Variants in INPP5A observed in about 807,000 individuals in gnomAD.
INPP5A encodes 43 kDa inositol polyphosphate 5-phophatase.
A neutral mutation model predicts 65.2 loss-of-function variants in INPP5A; 14 were observed. The ratio of observed to expected loss-of-function variants is 0.21; its 90% confidence interval spans 0.14 to 0.34. The LOEUF (loss-of-function observed/expected upper bound fraction) is 0.34. Ranked by LOEUF, INPP5A falls within the 10% of genes least tolerant of loss-of-function variation. The pLI is 1.00. For synonymous variants in INPP5A, 207 were observed against 208.3 expected (o/e 0.99, Z 0.05); for missense variants, 431 against 545.6 (o/e 0.79, Z 2.09).
intron 1 of INPP5A, among the ~76,000 whole-genome samples, chr10:132,577,220 G>A (rs1033258170): frequency 2.0e-5 from 3 of 152,138 alleles, no homozygotes; most frequent in Admixed American, 1.3e-4. Context: ...CAGGTGGGTT[G>A]CTCCCCCCCG....
At chr10:132,771,612 T>C (rs997472425) in intron 12 of INPP5A, among the ~76,000 whole-genome samples, 9 of 150,636 alleles carry the variant, frequency 6.0e-5, no homozygotes, top group Non-Finnish European at 1.3e-4. Context: ...CCATGAAGAG[T>C]GGGACGGACA....
intron 12 of INPP5A, among the ~76,000 whole-genome samples, chr10:132,770,422 G>A (rs1339091739): frequency 6.6e-6 from 1 of 152,274 alleles, no homozygotes; most frequent in Non-Finnish European, 1.5e-5. Flanking sequence ...CTGTGTGGAC[G>A]CTGAGCGTAT....
At chr10:132,560,405 T>C (rs577442514) in intron 1 of INPP5A, among the ~76,000 whole-genome samples, 2 of 152,208 alleles carry the variant, frequency 1.3e-5, no homozygotes, top group African/African-American at 4.8e-5. Flanking sequence ...GGCTGCAGAC[T>C]TCCAACATCA....
chr10:132,683,762 T>C (rs1209682917), intron 4 of INPP5A, among the ~76,000 whole-genome samples: 1 of 152,080 alleles, frequency 6.6e-6, no homozygotes, highest in African/African-American at 2.4e-5. Context: ...TCGCCCAGGC[T>C]GGAGTGCAGT....
intron 1 of INPP5A, among the ~76,000 whole-genome samples, chr10:132,544,188 A>G (rs1210043723): frequency 6.6e-6 from 1 of 152,186 alleles, no homozygotes; most frequent in Admixed American, 6.5e-5. Context: ...CATAAGTGCC[A>G]TCTCTGTGTG....
intron 4 of INPP5A, among the ~76,000 whole-genome samples, chr10:132,687,702 C>T (rs913104931): frequency 3.3e-5 from 5 of 152,168 alleles, no homozygotes; most frequent in African/African-American, 1.2e-4. Context: ...TTGGGTTCTC[C>T]CACCGAGGTC....
At chr10:132,566,936 T>C (rs143349345) in intron 1 of INPP5A, among the ~76,000 whole-genome samples, 28 of 152,358 alleles carry the variant, frequency 1.8e-4, no homozygotes, top group African/African-American at 6.3e-4. Context: ...AGAGAATCTA[T>C]TGAAAACCTG....
chr10:132,744,993 C>T (rs1348214158), intron 9 of INPP5A, among the ~76,000 whole-genome samples: 2 of 152,136 alleles, frequency 1.3e-5, no homozygotes, highest in African/African-American at 4.8e-5. Context: ...CCGGGCTGCC[C>T]GCCTCTCCCG....
At chr10:132,764,144 G>A (rs1846787654) in intron 11 of INPP5A, among the ~76,000 whole-genome samples, 1 of 152,296 alleles carries the variant, frequency 6.6e-6, no homozygotes, top group Admixed American at 6.5e-5. Flanking sequence ...GGAGGCCTGG[G>A]CCGGTGGCTC....
rs369951053 is a variant in INPP5A, at chr10:132,543,821, C to T, written c.75+5650C>T. Among the ~76,000 whole-genome samples the T allele has an allele frequency of 5.0e-4, 76 of 152,356 alleles. No homozygotes were observed. The South Asian group carries it at 0.014, about 29-fold the overall frequency. On this transcript the variant is annotated intron_variant, in intron 1 of 15. Transcript: ENST00000368594. ...GGATGTTTGGCCTGTTCCCTCCTTC[C>T]GGTTCTGGTGAACAGTGGATGTTTG...
intron 12 of INPP5A, among the ~76,000 whole-genome samples, chr10:132,769,080 A>T (rs912010560): frequency 6.6e-6 from 1 of 152,216 alleles, no homozygotes; most frequent in African/African-American, 2.4e-5. Context: ...ACACTGGCAG[A>T]GTGACGCCAG....
chr10:132,648,713 A>G (rs1304402153), intron 3 of INPP5A, among the ~76,000 whole-genome samples: 1 of 152,040 alleles, frequency 6.6e-6, no homozygotes, highest in African/African-American at 2.4e-5. Flanking sequence ...TGTCTTCTGT[A>G]TTGCATTGTT....
intron 4 of INPP5A, among the ~76,000 whole-genome samples, chr10:132,688,484 A>C (rs1025344792): frequency 1.3e-5 from 2 of 152,240 alleles, no homozygotes; most frequent in African/African-American, 4.8e-5. Context: ...GAGAGACAAT[A>C]GCTCTGCAGC....
At chr10:132,774,843 G>A (rs543055030) in intron 12 of INPP5A, among the ~76,000 whole-genome samples, 2 of 119,824 alleles carry the variant, frequency 1.7e-5, no homozygotes, top group Non-Finnish European at 3.6e-5. Context: ...GGAGAGAGGG[G>A]TAGGGAGAGA....
At chr10:132,559,321 C>G (rs1564915760) in intron 1 of INPP5A, among the ~76,000 whole-genome samples, 1 of 152,222 alleles carries the variant, frequency 6.6e-6, no homozygotes, top group Admixed American at 6.5e-5. Flanking sequence ...TTTGGGGAAG[C>G]CTGTGTTGGC....
At chr10:132,683,094 C>T (rs1439076377) in intron 4 of INPP5A, among the ~76,000 whole-genome samples, 6 of 149,306 alleles carry the variant, frequency 4.0e-5, no homozygotes, top group East Asian at 4.1e-4. Context: ...CACGTGCACA[C>T]GTGTGTGTTA....
At position 132,749,559 on chromosome 10, in the gene INPP5A, G is replaced by T; in HGVS notation, c.775G>T (p.Asp259Tyr). ...KATMQTVRAA[D>Y]TNEVVKLIFR... is the part of the protein sequence containing the mutation. Reference sequence around the variant, plus strand: ...CACCATGCAGACGGTCCGGGCCGCCGACACCAATGAAGTGGTGAAGCTCAT... The same window carrying T: ...CACCATGCAGACGGTCCGGGCCGCCTACACCAATGAAGTGGTGAAGCTCAT... Residue 259 changes from aspartate to tyrosine, a missense_variant, in exon 10 of 16, where the codon GAC becomes TAC. Coordinates refer to ENST00000368594, the MANE Select transcript of INPP5A (RefSeq NM_005539.5). The T allele has an allele frequency of 1.2e-6, 2 of 1,613,000 alleles. No homozygotes were observed. The highest frequency in any genetic ancestry group is 1.7e-6 in the Non-Finnish European group (2 of 1,180,010).
At chr10:132,623,043 TA>T (rs1308811869) in intron 2 of INPP5A, among the ~76,000 whole-genome samples, 3 of 152,234 alleles carry the variant, frequency 2.0e-5, no homozygotes, top group African/African-American at 7.2e-5. Flanking sequence ...AAGACTCAGT[TA>T]CGCTGACATG....
chr10:132,600,082 C>T (rs2071756702), intron 1 of INPP5A, among the ~76,000 whole-genome samples: 1 of 152,234 alleles, frequency 6.6e-6, no homozygotes, highest in African/African-American at 2.4e-5. Context: ...TGGGGATTAA[C>T]AACAGGCTCC....
Sources: gnomAD v4.1 joint callset for allele counts (sites outside exome capture counted in the v4.1 genomes callset) on GRCh38, gnomAD v4.1.1 for gene constraint, MANE v1.5 for transcripts, NCBI Gene and HGNC (gene_info 2026-07-23, HGNC 2026-07-21) for gene names.